Variants in ATF7 observed in about 807,000 individuals in gnomAD.
ATF7 encodes the protein activating transcription factor 7, also known as cyclic AMP-dependent transcription factor ATF-7.
Under a neutral mutation model 50.4 loss-of-function variants are expected in ATF7, and 10 were observed. That is an observed-to-expected ratio of 0.20 (90% CI 0.12 to 0.34). The LOEUF is 0.34. ATF7 is among the 10% of genes least tolerant of loss of function. The pLI is 1.00. For missense variants in ATF7, 465 were observed against 613.9 expected, an observed-to-expected ratio of 0.76 and a Z score of 2.56; for synonymous variants, 201 against 226.4, an observed-to-expected ratio of 0.89 and a Z score of 1.01.
At chr12:53,611,296 C>T (rs1354298949) in intron 1 of ATF7, among the ~76,000 whole-genome samples, 1 of 151,984 alleles carries the variant, frequency 6.6e-6, no homozygotes, top group Non-Finnish European at 1.5e-5. Flanking sequence ...TGGTGAAACC[C>T]CGTCTCTACC....
intron 1 of ATF7, among the ~76,000 whole-genome samples, chr12:53,619,052 C>CAAA (rs776201927): frequency 4.0e-5 from 3 of 75,254 alleles, no homozygotes; most frequent in African/African-American, 1.6e-4. Context: ...ACTCTGTCTC[C>CAAA]AAAAAAAAAA....
chr12:53,616,046 T>C (rs1944103073), intron 1 of ATF7, among the ~76,000 whole-genome samples: 1 of 152,188 alleles, frequency 6.6e-6, no homozygotes, highest in South Asian at 2.1e-4. Context: ...ATTCCTCGTC[T>C]ACTACAGCAA....
At chr12:53,571,608 C>T (rs866516746) in intron 2 of ATF7, among the ~76,000 whole-genome samples, 35 of 150,708 alleles carry the variant, frequency 2.3e-4, no homozygotes, top group African/African-American at 7.8e-4. Context: ...TTGAGTCCAG[C>T]CTGGGCAACA....
At chr12:53,553,830 T>C (rs1439349722) in intron 2 of ATF7, among the ~76,000 whole-genome samples, 1 of 152,234 alleles carries the variant, frequency 6.6e-6, no homozygotes, top group Non-Finnish European at 1.5e-5. Context: ...CCAAATACTA[T>C]ACGTTTAGCC....
chr12:53,566,397 GA>G (rs1409311733), intron 2 of ATF7, among the ~76,000 whole-genome samples: 2 of 152,198 alleles, frequency 1.3e-5, no homozygotes, highest in African/African-American at 4.8e-5. Flanking sequence ...TATAAAGGCT[GA>G]AAAGCAAGAT....
At chr12:53,530,741 G>C (rs927263157) in intron 9 of ATF7, among the ~76,000 whole-genome samples, 23 of 152,028 alleles carry the variant, frequency 1.5e-4, no homozygotes, top group Non-Finnish European at 2.9e-5. Context: ...CTGAGTAGCT[G>C]GGATTACAGG....
intron 2 of ATF7, among the ~76,000 whole-genome samples, chr12:53,582,122 A>T (rs181145452): frequency 9.9e-4 from 151 of 152,020 alleles, no homozygotes; most frequent in African/African-American, 3.5e-3. Context: ...TGAACAAAAA[A>T]AGAGTGGCCA....
At chr12:53,580,663 C>CAAA (rs539252431) in intron 2 of ATF7, among the ~76,000 whole-genome samples, 5 of 37,684 alleles carry the variant, frequency 1.3e-4, no homozygotes, top group Non-Finnish European at 1.8e-4. Flanking sequence ...GACTCCATCT[C>CAAA]AAAAAAAAAA....
intron 8 of ATF7, 95 bp downstream of exon 8, chr12:53,532,414 GA>G (rs1938956467): frequency 1.0e-6 from 1 of 1,004,778 alleles, no homozygotes; most frequent in African/African-American, 1.6e-5. Context: ...GCAAGCCCCA[GA>G]AGGTTCCTTT....
At chr12:53,521,499 CA>C (rs770620096) in intron 11 of ATF7, among the ~76,000 whole-genome samples, 2 of 152,176 alleles carry the variant, frequency 1.3e-5, no homozygotes, top group African/African-American at 2.4e-5. Flanking sequence ...TGCATCTTTG[CA>C]GTTGCTGATC....
intron 9 of ATF7, among the ~76,000 whole-genome samples, chr12:53,527,627 T>C (rs1938555083): frequency 6.6e-6 from 1 of 151,888 alleles, no homozygotes; most frequent in African/African-American, 2.4e-5. Flanking sequence ...CTACTAAAAA[T>C]ATAAAAATCA....
intron 1 of ATF7, among the ~76,000 whole-genome samples, chr12:53,606,835 T>C (rs1943631095): frequency 6.6e-6 from 1 of 151,322 alleles, no homozygotes; most frequent in Admixed American, 6.6e-5. Context: ...GTCTTTGCGA[T>C]AGTTTGCTGA....
chr12:53,542,465 CA>C (rs1454645344), intron 4 of ATF7, among the ~76,000 whole-genome samples: 1 of 151,910 alleles, frequency 6.6e-6, no homozygotes, highest in Non-Finnish European at 1.5e-5. Flanking sequence ...CTCACTCTGT[CA>C]CCCAGGCTGG....
intron 1 of ATF7, among the ~76,000 whole-genome samples, chr12:53,612,232 T>G (rs914544151): frequency 4.6e-5 from 7 of 151,904 alleles, no homozygotes; most frequent in African/African-American, 1.7e-4. Flanking sequence ...TGCCTTGACC[T>G]CCTAAAGTGC....
At chr12:53,560,343 C>T (rs1268667516) in intron 2 of ATF7, among the ~76,000 whole-genome samples, 1 of 152,046 alleles carries the variant, frequency 6.6e-6, no homozygotes, top group Non-Finnish European at 1.5e-5. Context: ...TTTTCCTAAC[C>T]TCATTTAACC....
chr12:53,554,667 A>G (rs952015296), intron 2 of ATF7, among the ~76,000 whole-genome samples: 1 of 151,482 alleles, frequency 6.6e-6, no homozygotes, highest in Non-Finnish European at 1.5e-5. Context: ...GTTCGAGGCC[A>G]GCATGACCAA....
intron 3 of ATF7, among the ~76,000 whole-genome samples, chr12:53,551,709 C>G (rs1940365640): frequency 6.6e-6 from 1 of 152,140 alleles, no homozygotes; most frequent in Non-Finnish European, 1.5e-5. Context: ...AGCATTTTGG[C>G]TAGTAATACT....
At chr12:53,571,711 G>C (rs1217864787) in intron 2 of ATF7, among the ~76,000 whole-genome samples, 1 of 151,268 alleles carries the variant, frequency 6.6e-6, no homozygotes, top group African/African-American at 2.4e-5. Flanking sequence ...AGAAACTACA[G>C]AGTACATCAC....
intron 2 of ATF7, among the ~76,000 whole-genome samples, chr12:53,584,500 A>AT (rs1942586634): frequency 6.6e-6 from 1 of 152,216 alleles, no homozygotes; most frequent in African/African-American, 2.4e-5. Context: ...TAAACATAGT[A>AT]TTACCATATG....
Sources: gnomAD v4.1 joint callset for allele counts (sites outside exome capture counted in the v4.1 genomes callset) on GRCh38, gnomAD v4.1.1 for gene constraint, MANE v1.5 for transcripts, NCBI Gene and HGNC (gene_info 2026-07-23, HGNC 2026-07-21) for gene names.